Variants in GPHN observed in about 807,000 individuals in gnomAD.
GPHN encodes the protein gephyrin.
A neutral mutation model predicts 95.5 loss-of-function variants in GPHN; 17 were observed. That is an observed-to-expected ratio of 0.18 (90% CI 0.12 to 0.27). GPHN has a LOEUF of 0.27. GPHN is among the 10% of genes least tolerant of loss of function. The probability of loss-of-function intolerance (pLI) is 1.00; values close to 1 mark genes in which losing one functional copy is unlikely to be tolerated. For missense variants in GPHN, 660 were observed against 978.1 expected (o/e 0.67, Z 4.34); for synonymous variants, 320 against 322.5 (o/e 0.99, Z 0.08).
intron 1 of GPHN, among the ~76,000 whole-genome samples, chr14:66,577,625 C>A (rs767553268): frequency 1.3e-5 from 2 of 152,122 alleles, no homozygotes; most frequent in Non-Finnish European, 2.9e-5. Context: ...CATATGCAAT[C>A]TGCTGTCAGA....
the GPHN span, among the ~76,000 whole-genome samples, chr14:67,349,964 T>A: frequency 4.6e-5 from 7 of 152,370 alleles, no homozygotes; most frequent in South Asian, 1.4e-3. Context: ...AAACAACTTC[T>A]GCCTCTGCCC....
At chr14:67,523,938 T>TAGTGACACAAAGAGGGTTTCC in the GPHN span, among the ~76,000 whole-genome samples, 2 of 151,564 alleles carry the variant, frequency 1.3e-5, no homozygotes, top group East Asian at 1.9e-4. Context: ...GAGGGAAGAA[T>TAGTGACACAAAGAGGGTTTCC]AGTGACACAA....
the GPHN span, among the ~76,000 whole-genome samples, chr14:67,465,730 C>T: frequency 1.3e-5 from 2 of 152,184 alleles, no homozygotes; most frequent in Non-Finnish European, 2.9e-5. Context: ...GTCCAAGCCC[C>T]CTGAAGCTGT....
intron 2 of GPHN, among the ~76,000 whole-genome samples, chr14:66,721,301 GTTTATT>G (rs200337066): frequency 0.019 from 2,913 of 152,256 alleles, 37 homozygotes; most frequent in Middle Eastern, 0.034. Context: ...TCTGATGAGA[GTTTATT>G]TGCTAAGGAA....
At chr14:67,190,068 A>ATT in the GPHN span, among the ~76,000 whole-genome samples, 34 of 115,436 alleles carry the variant, frequency 2.9e-4, no homozygotes, top group African/African-American at 5.7e-4. Flanking sequence ...TGCCCAGCTA[A>ATT]TTTTTTTTTT....
chr14:67,316,873 A>G, the GPHN span: 7 of 1,612,580 alleles, frequency 4.3e-6, no homozygotes, highest in Middle Eastern at 1.7e-4. Flanking sequence ...GAAACAAACC[A>G]TAGAAGAAGA....
At chr14:67,060,956 G>A (rs147221303) in intron 11 of GPHN, among the ~76,000 whole-genome samples, 1,832 of 152,202 alleles carry the variant, frequency 0.012, 19 homozygotes, top group Non-Finnish European at 0.018. Flanking sequence ...TTATTTTGTC[G>A]ACAATACTTG....
At chr14:67,065,451 G>C (rs2076006825) in intron 11 of GPHN, among the ~76,000 whole-genome samples, 1 of 152,130 alleles carries the variant, frequency 6.6e-6, no homozygotes, top group South Asian at 2.1e-4. Flanking sequence ...TATTAGGTCT[G>C]CTTGGTCCAG....
chr14:66,827,068 G>T (rs1306250760), intron 4 of GPHN, among the ~76,000 whole-genome samples: 2 of 152,100 alleles, frequency 1.3e-5, no homozygotes, highest in Non-Finnish European at 2.9e-5. Context: ...TGGATCAGTT[G>T]AGGCAAGGAG....
intron 2 of GPHN, among the ~76,000 whole-genome samples, chr14:66,769,514 C>G (rs530745218): frequency 1.2e-4 from 18 of 152,132 alleles, no homozygotes; most frequent in African/African-American, 4.3e-4. Context: ...GTGTGTTGTT[C>G]CCTTCTATGT....
chr14:67,360,423 G>A, the GPHN span: 1 of 392,130 alleles, frequency 2.6e-6, no homozygotes, highest in Non-Finnish European at 4.5e-6. Flanking sequence ...AGTCGGCTCT[G>A]GGCTCCAGTG....
At chr14:66,954,838 ATGTT>A (rs1157991705) in intron 8 of GPHN, among the ~76,000 whole-genome samples, 2 of 152,304 alleles carry the variant, frequency 1.3e-5, no homozygotes, top group South Asian at 2.1e-4. Flanking sequence ...ATTGCATCAA[ATGTT>A]TGTTCTACAT....
At chr14:66,686,529 A>C (rs936356480) in intron 2 of GPHN, among the ~76,000 whole-genome samples, 9 of 152,060 alleles carry the variant, frequency 5.9e-5, no homozygotes, top group African/African-American at 1.9e-4. Flanking sequence ...ATGGGAGTTC[A>C]CTCATGATTT....
chr14:67,225,289 T>G, the GPHN span: 10 of 1,434,638 alleles, frequency 7.0e-6, no homozygotes, highest in Non-Finnish European at 8.3e-6. Context: ...TATAAGTCTC[T>G]ATAGGAATAC....
chr14:67,387,359 C>T, the GPHN span: 24 of 1,611,370 alleles, frequency 1.5e-5, no homozygotes, highest in South Asian at 2.4e-4. Flanking sequence ...CTTCAATCCA[C>T]TCGGCTCGCT....
intron 2 of GPHN, among the ~76,000 whole-genome samples, chr14:66,721,951 C>CAA (rs35174343): frequency 0.03 from 1,778 of 59,828 alleles, 31 homozygotes; most frequent in Non-Finnish European, 0.037. Flanking sequence ...AACTCTGTCT[C>CAA]AAAAAAAAAA....
intron 1 of GPHN, among the ~76,000 whole-genome samples, chr14:66,613,392 A>G (rs559380994): frequency 6.6e-6 from 1 of 152,192 alleles, no homozygotes; most frequent in Admixed American, 6.5e-5. Context: ...GCACCATTCT[A>G]CACAACAAAA....
chr14:66,531,104 C>G (rs888029505), intron 1 of GPHN, among the ~76,000 whole-genome samples: 1 of 151,838 alleles, frequency 6.6e-6, no homozygotes, highest in Non-Finnish European at 1.5e-5. Flanking sequence ...TGCCACCATA[C>G]CTGGCTGAGT....
intron 4 of GPHN, among the ~76,000 whole-genome samples, chr14:66,871,916 T>C (rs2063454997): frequency 6.6e-6 from 1 of 152,158 alleles, no homozygotes; most frequent in South Asian, 2.1e-4. Context: ...ATTCTGCACA[T>C]GTATACCGGA....
Sources: allele counts gnomAD v4.1 joint callset (sites outside exome capture counted in the v4.1 genomes callset), GRCh38; gene constraint gnomAD v4.1.1; transcripts MANE v1.5; gene names NCBI Gene and HGNC (gene_info 2026-07-23, HGNC 2026-07-21).